The following CRPPA variants were observed in gnomAD, a reference collection of about 807,000 sequenced individuals.
The protein encoded by CRPPA is CDP-L-ribitol pyrophosphorylase A.
Under a neutral mutation model 52.0 loss-of-function variants are expected in CRPPA, and 43 were observed. That is an observed-to-expected ratio of 0.83 (90% CI 0.65 to 1.07). The LOEUF (loss-of-function observed/expected upper bound fraction) is 1.07, where lower values mean the gene tolerates loss of function less well. Ranked by LOEUF, CRPPA falls within the 50% of genes least tolerant of loss-of-function variation. The pLI is 0.00. For missense variants in CRPPA, 629 were observed against 551.7 expected (o/e 1.14, Z -1.40); for synonymous variants, 250 against 203.5 (o/e 1.23, Z -1.94).
intron 3 of CRPPA, among the ~76,000 whole-genome samples, chr7:16,361,521 TACTC>T (rs1456344656): frequency 1.3e-5 from 2 of 152,192 alleles, no homozygotes; most frequent in Non-Finnish European, 2.9e-5. Flanking sequence ...AATGGAATGT[TACTC>T]AGCCAGCCCA....
intron 6 of CRPPA, chr7:16,266,275 G>A (rs1257019761): frequency 2.0e-5 from 3 of 152,080 alleles, no homozygotes; most frequent in Non-Finnish European, 2.9e-5. Context: ...TGCATTAAAC[G>A]TGTGCTGAGC....
intron 3 of CRPPA, among the ~76,000 whole-genome samples, chr7:16,375,772 T>C (rs1786864662): frequency 1.3e-5 from 2 of 152,170 alleles, no homozygotes; most frequent in Non-Finnish European, 2.9e-5. Context: ...GGGCATTGTA[T>C]CTCTAACAGC....
chr7:16,257,127 T>G (rs1783665152), intron 8 of CRPPA, among the ~76,000 whole-genome samples: 1 of 152,104 alleles, frequency 6.6e-6, no homozygotes, highest in South Asian at 2.1e-4. Context: ...GAAGTAGAGT[T>G]ATTAGCCTTG....
intron 9 of CRPPA, among the ~76,000 whole-genome samples, chr7:16,144,276 G>T (rs1278626596): frequency 6.6e-6 from 1 of 152,180 alleles, no homozygotes; most frequent in African/African-American, 2.4e-5. Context: ...CAGTAACAGG[G>T]CCTGCAAACC....
chr7:16,331,938 T>G (rs1305621431), intron 3 of CRPPA, among the ~76,000 whole-genome samples: 1 of 152,208 alleles, frequency 6.6e-6, no homozygotes, highest in Non-Finnish European at 1.5e-5. Flanking sequence ...CAGTGACTGA[T>G]AATTTCTCCA....
At chr7:16,239,799 T>C (rs1379677380) in intron 8 of CRPPA, among the ~76,000 whole-genome samples, 1 of 152,190 alleles carries the variant, frequency 6.6e-6, no homozygotes. Flanking sequence ...CTCAGTCATC[T>C]GACCAACTTG....
At chr7:16,155,244 A>G (rs1423528324) in intron 9 of CRPPA, among the ~76,000 whole-genome samples, 2 of 152,028 alleles carry the variant, frequency 1.3e-5, no homozygotes, top group East Asian at 1.9e-4. Flanking sequence ...ACATACATCA[A>G]TTGTCTTATT....
intron 8 of CRPPA, among the ~76,000 whole-genome samples, chr7:16,251,516 T>G (rs1013768141): frequency 6.6e-6 from 1 of 152,148 alleles, no homozygotes; most frequent in Non-Finnish European, 1.5e-5. Flanking sequence ...ATGGAGATCA[T>G]AACAAACCAT....
chr7:16,301,687 GT>G (rs1369704770), intron 4 of CRPPA, among the ~76,000 whole-genome samples: 1 of 152,168 alleles, frequency 6.6e-6, no homozygotes, highest in African/African-American at 2.4e-5. Context: ...AAGATATTAT[GT>G]GGCAGTTGTT....
intron 3 of CRPPA, among the ~76,000 whole-genome samples, chr7:16,363,539 T>C (rs1255644571): frequency 2.0e-5 from 3 of 152,152 alleles, no homozygotes; most frequent in Non-Finnish European, 4.4e-5. Context: ...AAGCACAATA[T>C]CTATTTGATT....
rs1405369468 is a variant in CRPPA, at chr7:16,106,487, G to A, written c.1252-14688C>T. Among the ~76,000 whole-genome samples the A allele has an allele frequency of 2.0e-5, 3 of 152,140 alleles. No homozygotes were observed. In the East Asian group the frequency reaches 5.8e-4, roughly 29 times the overall value. ...GCCTAATAGCAGATCCCAGCCACCAGACAGCAGAGCCCAACCAGTAGCCCC... is the reference window on the plus strand; with the variant it reads ...GCCTAATAGCAGATCCCAGCCACCAAACAGCAGAGCCCAACCAGTAGCCCC... On this transcript the variant is annotated intron_variant, in intron 9 of 9. Transcript: ENST00000407010.
chr7:16,289,726 C>T (rs1026714545), intron 5 of CRPPA, among the ~76,000 whole-genome samples: 1 of 152,126 alleles, frequency 6.6e-6, no homozygotes, highest in South Asian at 2.1e-4. Flanking sequence ...TAGCATTATA[C>T]TGAATGGAGA....
intron 3 of CRPPA, among the ~76,000 whole-genome samples, chr7:16,321,434 C>A (rs1785262683): frequency 6.6e-6 from 1 of 152,102 alleles, no homozygotes; most frequent in Admixed American, 6.5e-5. Context: ...ACATATCTAA[C>A]CCCAATGTAA....
chr7:16,207,055 A>G (rs952870316), intron 9 of CRPPA, among the ~76,000 whole-genome samples: 5 of 152,170 alleles, frequency 3.3e-5, no homozygotes, highest in African/African-American at 1.2e-4. Flanking sequence ...AAGTCCTTTT[A>G]TAATCCCATT....
intron 8 of CRPPA, among the ~76,000 whole-genome samples, chr7:16,249,276 G>C (rs1388044873): frequency 6.6e-6 from 1 of 152,162 alleles, no homozygotes; most frequent in Non-Finnish European, 1.5e-5. Context: ...AGAGCACCTG[G>C]GGGAAGGGGC....
At chr7:16,165,359 A>G (rs766399318) in intron 9 of CRPPA, among the ~76,000 whole-genome samples, 14 of 152,206 alleles carry the variant, frequency 9.2e-5, no homozygotes, top group Non-Finnish European at 1.8e-4. Context: ...TAGCAACAAT[A>G]CTAGAAGCTT....
intron 9 of CRPPA, among the ~76,000 whole-genome samples, chr7:16,203,670 C>T (rs1781907574): frequency 6.6e-6 from 1 of 152,060 alleles, no homozygotes; most frequent in African/African-American, 2.4e-5. Flanking sequence ...CTGGGTTTGA[C>T]AAAGCCTGAA....
chr7:16,357,691 C>T (rs115914121), intron 3 of CRPPA, among the ~76,000 whole-genome samples: 2,144 of 152,196 alleles, frequency 0.014, 59 homozygotes, highest in African/African-American at 0.049. Context: ...GAGTCATAAA[C>T]GCCACAATAA....
At chr7:16,237,875 G>T (rs1347780344) in intron 8 of CRPPA, among the ~76,000 whole-genome samples, 2 of 152,150 alleles carry the variant, frequency 1.3e-5, no homozygotes, top group African/African-American at 4.8e-5. Flanking sequence ...ATATAGAAAT[G>T]CCAGTCCTCT....
Sources: allele counts gnomAD v4.1 joint callset (sites outside exome capture counted in the v4.1 genomes callset), GRCh38; gene constraint gnomAD v4.1.1; transcripts MANE v1.5; gene names NCBI Gene and HGNC (gene_info 2026-07-23, HGNC 2026-07-21).